Variants in STXBP5L observed in about 807,000 individuals in gnomAD.
STXBP5L encodes syntaxin-binding protein 5-like.
In STXBP5L, 65 loss-of-function variants were observed where a neutral mutation model predicts 144.5. That is an observed-to-expected ratio of 0.45 (90% CI 0.37 to 0.55). The LOEUF (loss-of-function observed/expected upper bound fraction) is 0.55. Among genes scored for constraint, STXBP5L ranks in the 20% least tolerant of loss-of-function variants. STXBP5L has a pLI of 0.00. For missense variants in STXBP5L, 1,298 were observed against 1,405.5 expected (o/e 0.92, Z 1.22); for synonymous variants, 505 against 469.6 (o/e 1.08, Z -0.97).
intron 9 of STXBP5L, among the ~76,000 whole-genome samples, chr3:121,190,415 CT>C (rs1238167209): frequency 6.6e-6 from 1 of 152,226 alleles, no homozygotes; most frequent in Non-Finnish European, 1.5e-5. Context: ...AAGAATTTTT[CT>C]TAGTACAGAA....
intron 3 of STXBP5L, among the ~76,000 whole-genome samples, chr3:120,984,632 C>CTTTTTTTTTTTT (rs35656223): frequency 1.5e-4 from 11 of 71,964 alleles, no homozygotes; most frequent in Admixed American, 4.4e-4. Context: ...TCTTTCTTTC[C>CTTTTTTTTTTTT]TTTTTTTTTT....
chr3:121,122,781 T>A (rs1422767814), intron 7 of STXBP5L, among the ~76,000 whole-genome samples: 1 of 151,390 alleles, frequency 6.6e-6, no homozygotes, highest in East Asian at 1.9e-4. Flanking sequence ...TGTTAGTTAC[T>A]GTGGAGTAGG....
rs1056330323 is a variant in STXBP5L, at chr3:121,422,085, C to T, written c.*2988C>T. The T allele has an allele frequency of 1.3e-5, 2 of 152,168 alleles. No individual in the cohort carries two copies. The highest frequency in any genetic ancestry group is 4.8e-5 in the African/African-American group (2 of 41,412). 9.4% of individuals were successfully genotyped at this position (152,168 alleles called of 1,614,324 possible). A position where few individuals can be genotyped will look rare whatever the true frequency, so the allele number is the denominator to read the frequency against. ...CTTTGAACAATTCTGTTCTGTTGCACTGACCTTAGCACGCACGCACACACA... is the reference window on the plus strand; with the variant it reads ...CTTTGAACAATTCTGTTCTGTTGCATTGACCTTAGCACGCACGCACACACA... On this transcript the variant is annotated 3_prime_UTR_variant, in exon 27 of 27. Transcript: ENST00000471454.
intron 20 of STXBP5L, chr3:121,356,867 C>A (rs78407832): frequency 1.3e-5 from 2 of 152,738 alleles, no homozygotes; most frequent in Non-Finnish European, 2.9e-5. Flanking sequence ...ATATAACCTA[C>A]TATAAAAAGT....
rs544880135 is a variant in STXBP5L, at chr3:121,393,151, G to GT, written c.2587+11623dup. Among the ~76,000 whole-genome samples, 87 of 146,422 alleles carry GT rather than the reference G, an allele frequency of 5.9e-4. No individual in the cohort carries two copies. The South Asian group carries it at 0.018, about 31-fold the overall frequency. On this transcript the variant is annotated intron_variant, in intron 22 of 26. Transcript: ENST00000471454. Reference sequence around the variant, plus strand: ...TGGTATAAGATGGTATCTTATTATGGTTTTAATTTTCATTTCTCTCATGAC... The same window carrying GT: ...TGGTATAAGATGGTATCTTATTATGGTTTTTAATTTTCATTTCTCTCATGAC...
intron 20 of STXBP5L, among the ~76,000 whole-genome samples, chr3:121,377,982 T>C (rs751888833): frequency 2.6e-5 from 4 of 152,162 alleles, no homozygotes; most frequent in Non-Finnish European, 5.9e-5. Context: ...TGGAATACTA[T>C]GCAGACATAA....
intron 1 of STXBP5L, among the ~76,000 whole-genome samples, 168 bp downstream of exon 1, chr3:120,908,502 C>T (rs891094398): frequency 2.0e-5 from 3 of 151,930 alleles, no homozygotes; most frequent in African/African-American, 4.8e-5. Context: ...CACCAGCGCG[C>T]GAATGCCCGT....
chr3:121,209,392 T>G (rs2048466160), intron 10 of STXBP5L, among the ~76,000 whole-genome samples: 1 of 152,224 alleles, frequency 6.6e-6, no homozygotes, highest in South Asian at 2.1e-4. Flanking sequence ...CCAACAACAC[T>G]GTAAAAGCAT....
At chr3:120,988,587 G>A (rs1398793103) in intron 3 of STXBP5L, among the ~76,000 whole-genome samples, 2 of 151,968 alleles carry the variant, frequency 1.3e-5, no homozygotes, top group Non-Finnish European at 2.9e-5. Flanking sequence ...TTCTTTTGTT[G>A]GATGAAATAT....
At chr3:120,963,629 A>G (rs776634048) in intron 3 of STXBP5L, among the ~76,000 whole-genome samples, 3 of 152,168 alleles carry the variant, frequency 2.0e-5, no homozygotes, top group Non-Finnish European at 4.4e-5. Context: ...AGCTGACTTG[A>G]TCATGGTGGA....
intron 3 of STXBP5L, among the ~76,000 whole-genome samples, chr3:121,000,622 C>G (rs1427167853): frequency 6.6e-6 from 1 of 152,136 alleles, no homozygotes; most frequent in Non-Finnish European, 1.5e-5. Flanking sequence ...GTCATTTCAG[C>G]CATTTCAGTT....
At chr3:121,043,174 A>G in intron 4 of STXBP5L, among the ~76,000 whole-genome samples, 1 of 152,014 alleles carries the variant, frequency 6.6e-6, no homozygotes, top group East Asian at 1.9e-4. Flanking sequence ...ACCTCACACA[A>G]AGCTGCTGTA....
intron 2 of STXBP5L, among the ~76,000 whole-genome samples, chr3:120,911,766 T>A (rs916220405): frequency 6.6e-6 from 1 of 152,080 alleles, no homozygotes; most frequent in African/African-American, 2.4e-5. Flanking sequence ...TGGAAAATAC[T>A]GTAACATCTT....
chr3:121,115,097 T>C (rs746168222), intron 6 of STXBP5L, 38 bp downstream of exon 6: 18 of 1,580,342 alleles, frequency 1.1e-5, no homozygotes, highest in Non-Finnish European at 1.5e-5. Context: ...TTGGCTTAAA[T>C]ACTTCATACA....
chr3:120,916,940 A>G (rs544402216), intron 2 of STXBP5L, among the ~76,000 whole-genome samples: 2 of 152,350 alleles, frequency 1.3e-5, no homozygotes, highest in African/African-American at 4.8e-5. Context: ...TTTGAAAATT[A>G]TTAGTAGTAT....
chr3:121,280,702 G>C (rs1362939203), intron 19 of STXBP5L, among the ~76,000 whole-genome samples: 2 of 151,794 alleles, frequency 1.3e-5, no homozygotes, highest in Non-Finnish European at 2.9e-5. Context: ...AGTCCAGTTG[G>C]TAAAAGAAAA....
chr3:121,018,120 A>G (rs1945273891), intron 3 of STXBP5L, among the ~76,000 whole-genome samples: 1 of 152,184 alleles, frequency 6.6e-6, no homozygotes, highest in African/African-American at 2.4e-5. Flanking sequence ...TATTCCAGGT[A>G]CATGGATAGC....
intron 3 of STXBP5L, among the ~76,000 whole-genome samples, chr3:121,031,621 G>A (rs757100980): frequency 2.0e-5 from 3 of 152,010 alleles, no homozygotes; most frequent in African/African-American, 7.2e-5. Context: ...ATATTATGAA[G>A]GGTAACCTGC....
At chr3:121,071,452 G>A (rs1457599301) in intron 5 of STXBP5L, among the ~76,000 whole-genome samples, 1 of 152,182 alleles carries the variant, frequency 6.6e-6, no homozygotes, top group Non-Finnish European at 1.5e-5. Flanking sequence ...AGTTGTCCGT[G>A]TCAGCAGTGA....
Sources: gnomAD v4.1 joint callset for allele counts (sites outside exome capture counted in the v4.1 genomes callset) on GRCh38, gnomAD v4.1.1 for gene constraint, MANE v1.5 for transcripts, NCBI Gene and HGNC (gene_info 2026-07-23, HGNC 2026-07-21) for gene names.